NME2: variants seen among roughly 807,000 people sequenced by gnomAD.
NME2 encodes NME/NM23 nucleoside diphosphate kinase 2.
Under a neutral mutation model 17.8 loss-of-function variants are expected in NME2, and 18 were observed. The ratio of observed to expected loss-of-function variants is 1.01; its 90% CI spans 0.70 to 1.50. The LOEUF is 1.50. Among genes scored for constraint, NME2 ranks in the 40% most tolerant of loss-of-function variants. The pLI is 0.00. For synonymous variants in NME2, 74 were observed against 71.4 expected, an observed-to-expected ratio of 1.04 and a Z score of -0.19; for missense variants, 161 against 195.6, an observed-to-expected ratio of 0.82 and a Z score of 1.05.
chr17:51,170,022 G>T lies in NME2; in HGVS notation c.314G>T (p.Arg105Leu). The T allele has an allele frequency of 6.2e-7, 1 of 1,611,802 alleles. No homozygotes were observed. Among genetic ancestry groups the T allele is most frequent in the Non-Finnish European group, 8.5e-7 (1 of 1,179,126 alleles). The change falls in exon 4 of 5, where the codon CGT (arginine) becomes CTT (leucine). Residue 105 changes from arginine to leucine, a missense_variant. By Grantham distance (102) the Arg-to-Leu change is moderately radical. Transcript: ENST00000512737. The stretch of plus-strand genomic sequence containing the variant: ...GCAGATTCAAAGCCAGGCACCATTC[G>T]TGGGGACTTCTGCATTCAGGTTGGC... ...NPADSKPGTIRGDFCIQVGRN... is the reference protein window; with the variant it reads ...NPADSKPGTILGDFCIQVGRN...
At chr17:51,169,631 G>C (rs13342816) in intron 3 of NME2, 4,947 of 289,704 alleles carry the variant, frequency 0.017, 278 homozygotes, top group African/African-American at 0.11. Context: ...TCCTATTCCA[G>C]ACTGGCCACT....
chr17:51,171,062 G>A lies in NME2; in HGVS notation c.342-425G>A, dbSNP rs1222682091. 2.0e-5 allele frequency among the ~76,000 whole-genome samples: 3 copies of A among 152,186 alleles called. No homozygotes were observed. The East Asian group carries it at 5.8e-4, about 29-fold the overall frequency. ...ATAAAGGGATTTTTATTAATAAGCA[G>A]TGTTATGTCATGGTTGGGCTTTGCA... On this transcript the variant is annotated intron_variant, in intron 4 of 4. Coordinates refer to ENST00000512737, the MANE Select transcript of NME2 (RefSeq NM_002512.4).
At chr17:51,170,467 T>C (rs374255048) in intron 4 of NME2, among the ~76,000 whole-genome samples, 22 of 151,948 alleles carry the variant, frequency 1.4e-4, no homozygotes, top group African/African-American at 2.2e-4. Flanking sequence ...ATTATCATTG[T>C]ATAAAAACTT....
intron 2 of NME2, 25 bp downstream of exon 2, chr17:51,166,981 C>CAAAG (rs2049956094): frequency 9.3e-6 from 15 of 1,610,430 alleles, no homozygotes; most frequent in Non-Finnish European, 1.3e-5. Context: ...TCTCCCCTTC[C>CAAAG]CCGCTGCAGC....
chr17:51,171,479 T>A lies in NME2; in HGVS notation c.342-8T>A. On this transcript the variant is annotated splice_polypyrimidine_tract_variant and splice_region_variant and intron_variant, in intron 4 of 4. Transcript: ENST00000512737. ...AACATGGCAACTTGTAATTGTTTTC[T>A]TTCTTAGGAACATCATTCATGGCAG... is the stretch of plus-strand genomic sequence containing the variant. 6.2e-7 allele frequency: 1 copy of A among 1,612,638 alleles called. No homozygotes were observed. The highest frequency in any genetic ancestry group is 8.5e-7 in the Non-Finnish European group (1 of 1,178,928).
upstream of NME2, chr17:51,166,261 G>T (rs1357849249): frequency 6.6e-6 from 1 of 152,344 alleles, no homozygotes; most frequent in African/African-American, 2.4e-5. Flanking sequence ...CTCTGGATCC[G>T]TCTCGATCTC....
At position 51,170,137 on chromosome 17, in the gene NME2, G is replaced by A; in HGVS notation, c.341+88G>A. 3 of 939,832 alleles carry A rather than the reference G, an allele frequency of 3.2e-6. No individual in the cohort carries two copies. In the South Asian group the frequency reaches 6.6e-5, roughly 21 times the overall value. The allele number at this position is 939,832 out of a possible 1,614,324, so 58.2% of individuals were successfully genotyped here. On this transcript the variant is annotated intron_variant, in intron 4 of 4. Coordinates refer to ENST00000512737, the MANE Select transcript of NME2 (RefSeq NM_002512.4). ...GCGTATCCTACTTTCAGAAGAATCT[G>A]TGCCCTTTTTTTTTTTTTTTTTTCT...
At chr17:51,167,222 G>A (rs1410758918) in intron 2 of NME2, 2 of 612,784 alleles carry the variant, frequency 3.3e-6, no homozygotes, top group Non-Finnish European at 5.1e-6. Context: ...CTGCCCACCC[G>A]CCGCAGGGGG....
chr17:51,168,344 G>A lies in NME2; in HGVS notation c.228+1G>A. 1 of 1,613,772 alleles carries A rather than the reference G, an allele frequency of 6.2e-7. No individual in the cohort carries two copies. The highest frequency in any genetic ancestry group is 1.3e-5 in the African/African-American group (1 of 75,042). ...GAACTCAGGGCCGGTTGTGGCCATGGTGAGTGCTCGTGGGGAATGAGAGAA... is the reference window on the plus strand; with the variant it reads ...GAACTCAGGGCCGGTTGTGGCCATGATGAGTGCTCGTGGGGAATGAGAGAA... On this transcript the variant is annotated splice_donor_variant, in intron 3 of 4. Transcript: ENST00000512737. LOFTEE classifies it high-confidence loss of function.
rs145041533 is a variant in NME2 at position 51,167,560 on chromosome 17, C to A, written c.126+604C>A. ...CAGGGGAGTTTAACATGACCTCTGCCAGGCAGATGACCTGACATATGTACT... is the reference window on the plus strand; with the variant it reads ...CAGGGGAGTTTAACATGACCTCTGCAAGGCAGATGACCTGACATATGTACT... On this transcript the variant is annotated intron_variant, in intron 2 of 4. Transcript: ENST00000512737. Among the ~76,000 whole-genome samples, 435 of 152,274 alleles carry A rather than the reference C, an allele frequency of 2.9e-3. 1 individual carries two copies. Among genetic ancestry groups the A allele is most frequent in the African/African-American group, 0.01 (420 of 41,536 alleles).
At chr17:51,168,429 T>G in intron 3 of NME2, 86 bp downstream of exon 3, 8 of 1,418,736 alleles carry the variant, frequency 5.6e-6, no homozygotes, top group Non-Finnish European at 7.8e-6. Flanking sequence ...ATCTAAATTT[T>G]ATTTTATGAA....
chr17:51,168,677 G>GA (rs2050000512), intron 3 of NME2, among the ~76,000 whole-genome samples: 1 of 143,816 alleles, frequency 7.0e-6, no homozygotes, highest in Admixed American at 7.0e-5. Context: ...TCTCGACAAA[G>GA]AAAAAAGATA....
rs754006416 is a variant in NME2 at position 51,166,967 on chromosome 17, C to T, written c.126+11C>T. On this transcript the variant is annotated intron_variant, in intron 2 of 4. Coordinates refer to ENST00000512737, the MANE Select transcript of NME2 (RefSeq NM_002512.4). Reference sequence around the variant, plus strand: ...ATGAAGTTCCTCCGGGTAACTCGCCCCCGTCTCCCCTTCCCCGCTGCAGCC... The same window carrying T: ...ATGAAGTTCCTCCGGGTAACTCGCCTCCGTCTCCCCTTCCCCGCTGCAGCC... 6 of 1,612,618 alleles carry T rather than the reference C, an allele frequency of 3.7e-6. No individual in the cohort carries two copies. Among genetic ancestry groups the T allele is most frequent in the Non-Finnish European group, 5.1e-6 (6 of 1,179,434 alleles).
At chr17:51,167,117 T>G in intron 2 of NME2, 161 bp downstream of exon 2, 1 of 1,448,742 alleles carries the variant, frequency 6.9e-7, no homozygotes, top group Non-Finnish European at 9.2e-7. Flanking sequence ...CGCCGACCCT[T>G]TCCCGGGGTG....
chr17:51,170,440 T>C (rs2050047804), intron 4 of NME2, among the ~76,000 whole-genome samples: 1 of 151,950 alleles, frequency 6.6e-6, no homozygotes, highest in African/African-American at 2.4e-5. Context: ...GCACTTGGCC[T>C]GAACTTTTAG....
Position 51,166,914 on chromosome 17 carries a change from C to G in NME2, c.84C>G (p.Phe28Leu). 1 of 1,613,792 alleles carries G rather than the reference C, an allele frequency of 6.2e-7. No homozygotes were observed. The highest frequency in any genetic ancestry group is 1.1e-5 in the South Asian group (1 of 91,088). ...TGGTGGGCGAGATCATCAAGCGCTT[C>G]GAGCAGAAGGGATTCCGCCTCGTGG... ...RGLVGEIIKRFEQKGFRLVAM... is the reference protein window; with the variant it reads ...RGLVGEIIKRLEQKGFRLVAM... Residue 28 changes from phenylalanine (F) to leucine (L), a missense_variant, in exon 2 of 5, where the codon TTC becomes TTG. By Grantham distance (22) the Phe-to-Leu change is conservative. Coordinates refer to ENST00000512737, the MANE Select transcript of NME2 (RefSeq NM_002512.4).
At chr17:51,166,393 C>T (rs1156232080), upstream of NME2, 5 of 152,662 alleles carry the variant, frequency 3.3e-5, no homozygotes, top group Non-Finnish European at 5.8e-5. Flanking sequence ...CCACCCCGCG[C>T]TCCGCCCTGC....
At chr17:51,166,761 C>A in intron 1 of NME2, 66 bp from the exon 2 acceptor site, 1 of 1,474,042 alleles carries the variant, frequency 6.8e-7, no homozygotes, top group Non-Finnish European at 8.9e-7. Context: ...CGGCGGCGCC[C>A]ACGTGGCCTC....
chr17:51,170,424 G>A (rs1357602266), intron 4 of NME2, among the ~76,000 whole-genome samples: 4 of 151,968 alleles, frequency 2.6e-5, no homozygotes, highest in South Asian at 2.1e-4. Flanking sequence ...ACAGACATGA[G>A]CCACCGCACT....
Sources: gnomAD v4.1 joint callset for allele counts (sites outside exome capture counted in the v4.1 genomes callset) on GRCh38, gnomAD v4.1.1 for gene constraint, MANE v1.5 for transcripts, NCBI Gene and HGNC (gene_info 2026-07-23, HGNC 2026-07-21) for gene names.